The following PHF24 variants were observed in gnomAD, a reference collection of about 807,000 sequenced individuals.
PHF24 encodes Galpha inhibitory interacting protein.
Under a neutral mutation model 42.6 loss-of-function variants are expected in PHF24, and 25 were observed. The ratio of observed to expected loss-of-function variants is 0.59; its 90% CI spans 0.43 to 0.82. The LOEUF is 0.82. Among genes scored for constraint, PHF24 ranks in the 40% least tolerant of loss-of-function variants. PHF24 has a pLI of 0.00. For synonymous variants in PHF24, 185 were observed against 204.8 expected (o/e 0.90, Z 0.83); for missense variants, 470 against 538.1 (o/e 0.87, Z 1.25).
At chr9:34,773,233 G>A in the PHF24 span, among the ~76,000 whole-genome samples, 7 of 152,046 alleles carry the variant, frequency 4.6e-5, no homozygotes, top group Admixed American at 2.6e-4. Flanking sequence ...CAGGTGATCC[G>A]CCCATCTTGG....
At chr9:34,879,682 A>C in the PHF24 span, among the ~76,000 whole-genome samples, 1 of 152,222 alleles carries the variant, frequency 6.6e-6, no homozygotes, top group African/African-American at 2.4e-5. Context: ...CAAAACCTCC[A>C]AGAAATATGG....
chr9:34,833,812 T>C, the PHF24 span: 2 of 1,551,698 alleles, frequency 1.3e-6, no homozygotes, highest in African/African-American at 2.7e-5. Flanking sequence ...GTTCTTCAAA[T>C]GAAACCATCT....
the PHF24 span, among the ~76,000 whole-genome samples, chr9:34,928,176 A>C: frequency 7.2e-6 from 1 of 139,270 alleles, no homozygotes; most frequent in East Asian, 2.2e-4. Flanking sequence ...AAATCACGCC[A>C]TTGCACTCCA....
intron 3 of PHF24, among the ~76,000 whole-genome samples, chr9:34,974,288 C>T (rs1827109890): frequency 6.6e-6 from 1 of 152,236 alleles, no homozygotes; most frequent in African/African-American, 2.4e-5. Flanking sequence ...GGTCACCAGT[C>T]ACCTCCTAAT....
At chr9:34,864,107 G>A in the PHF24 span, among the ~76,000 whole-genome samples, 14 of 152,044 alleles carry the variant, frequency 9.2e-5, no homozygotes, top group South Asian at 2.1e-3. Flanking sequence ...CAGAGAATAC[G>A]AAAGAATAAA....
chr9:34,739,529 G>T, the PHF24 span, among the ~76,000 whole-genome samples: 3 of 152,188 alleles, frequency 2.0e-5, no homozygotes, highest in African/African-American at 7.2e-5. Context: ...AAGCCGTGGA[G>T]GCTCACGGTG....
chr9:34,962,081 C>T (rs1207826265), intron 1 of PHF24, among the ~76,000 whole-genome samples: 4 of 152,214 alleles, frequency 2.6e-5, no homozygotes, highest in South Asian at 2.1e-4. Context: ...CACTGGTCAG[C>T]GCTGGAACTT....
chr9:34,923,873 A>G, the PHF24 span, among the ~76,000 whole-genome samples: 3 of 151,102 alleles, frequency 2.0e-5, no homozygotes, highest in Admixed American at 1.3e-4. Flanking sequence ...GCCCTTTTCT[A>G]GGTTTTTAGA....
At chr9:34,700,223 G>C in the PHF24 span, among the ~76,000 whole-genome samples, 3 of 152,192 alleles carry the variant, frequency 2.0e-5, no homozygotes, top group African/African-American at 7.2e-5. Context: ...GAGTGAGATG[G>C]GGAGCTATTG....
At chr9:34,934,126 T>C in the PHF24 span, among the ~76,000 whole-genome samples, 1 of 152,182 alleles carries the variant, frequency 6.6e-6, no homozygotes, top group South Asian at 2.1e-4. Flanking sequence ...CAAGTTCTCA[T>C]TATATAGATT....
chr9:34,959,308 C>G (rs963444248), intron 1 of PHF24, among the ~76,000 whole-genome samples: 5 of 152,112 alleles, frequency 3.3e-5, no homozygotes, highest in Non-Finnish European at 5.9e-5. Flanking sequence ...TGTTGAGCAC[C>G]AGTACGCTAG....
At chr9:34,766,976 TG>T in the PHF24 span, among the ~76,000 whole-genome samples, 1 of 152,218 alleles carries the variant, frequency 6.6e-6, no homozygotes, top group Admixed American at 6.5e-5. Flanking sequence ...CTCCAGACCC[TG>T]TTTGCCTGTG....
chr9:34,874,758 G>A, the PHF24 span, among the ~76,000 whole-genome samples: 5 of 152,000 alleles, frequency 3.3e-5, no homozygotes, highest in East Asian at 1.9e-4. Flanking sequence ...AGTAGTGTCC[G>A]TTTTCACTAG....
chr9:34,917,182 C>T, the PHF24 span: 1 of 1,439,882 alleles, frequency 6.9e-7, no homozygotes, highest in Non-Finnish European at 9.8e-7. Flanking sequence ...ACCATGACCA[C>T]CTCAGCATGT....
At chr9:34,801,998 CA>C in the PHF24 span, among the ~76,000 whole-genome samples, 1 of 152,088 alleles carries the variant, frequency 6.6e-6, no homozygotes, top group African/African-American at 2.4e-5. Context: ...ATAGGTGCAG[CA>C]AACCATCACG....
At chr9:34,940,182 T>A in the PHF24 span, among the ~76,000 whole-genome samples, 1 of 152,074 alleles carries the variant, frequency 6.6e-6, no homozygotes, top group African/African-American at 2.4e-5. Context: ...TTCCTTTCCT[T>A]GCACTAAGAT....
At chr9:34,801,388 C>T in the PHF24 span, among the ~76,000 whole-genome samples, 1,708 of 152,254 alleles carry the variant, frequency 0.011, 33 homozygotes, top group African/African-American at 0.037. Flanking sequence ...AGACTTGGAA[C>T]CAACCCAAAT....
At chr9:34,666,098 C>T in the PHF24 span, 1 of 212,962 alleles carries the variant, frequency 4.7e-6, no homozygotes, top group South Asian at 6.2e-5. Flanking sequence ...GTTTGCCTGT[C>T]CCCCGGAAGG....
the PHF24 span, among the ~76,000 whole-genome samples, chr9:34,678,755 T>G: frequency 6.6e-6 from 1 of 152,142 alleles, no homozygotes; most frequent in African/African-American, 2.4e-5. Context: ...CTCAGCCTCC[T>G]GAGTCTCTGG....
Sources: gnomAD v4.1 joint callset for allele counts (sites outside exome capture counted in the v4.1 genomes callset) on GRCh38, gnomAD v4.1.1 for gene constraint, MANE v1.5 for transcripts, NCBI Gene and HGNC (gene_info 2026-07-23, HGNC 2026-07-21) for gene names.